RHBDD1: variants seen among roughly 807,000 people sequenced by gnomAD.
The protein encoded by RHBDD1 is rhomboid domain containing 1, also known as rhomboid-related protein 4.
A neutral mutation model predicts 36.3 loss-of-function variants in RHBDD1; 38 were observed. The ratio of observed to expected loss-of-function variants is 1.05; its 90% CI spans 0.81 to 1.37. The LOEUF (loss-of-function observed/expected upper bound fraction) is 1.37. RHBDD1 is among the 40% of genes most tolerant of loss of function. RHBDD1 has a pLI of 0.00. For synonymous variants in RHBDD1, 151 were observed against 136.5 expected (o/e 1.11, Z -0.74); for missense variants, 393 against 377.6 (o/e 1.04, Z -0.34).
the RHBDD1 span, among the ~76,000 whole-genome samples, chr2:226,826,206 T>A: frequency 6.6e-6 from 1 of 152,206 alleles, no homozygotes; most frequent in Non-Finnish European, 1.5e-5. Flanking sequence ...AATAGAATGA[T>A]CTATTTATGT....
chr2:226,947,272 T>C (rs1951049959), intron 8 of RHBDD1, among the ~76,000 whole-genome samples: 1 of 151,624 alleles, frequency 6.6e-6, no homozygotes, highest in Admixed American at 6.6e-5. Flanking sequence ...CTTGAATTGA[T>C]TTTTGTATAA....
chr2:226,907,496 C>T (rs931465842), intron 6 of RHBDD1, among the ~76,000 whole-genome samples: 1 of 151,836 alleles, frequency 6.6e-6, no homozygotes, highest in Admixed American at 6.6e-5. Flanking sequence ...ATGCGATTCT[C>T]ATTTTGACTT....
chr2:226,827,528 C>T, the RHBDD1 span, among the ~76,000 whole-genome samples: 1 of 152,140 alleles, frequency 6.6e-6, no homozygotes, highest in African/African-American at 2.4e-5. Flanking sequence ...TCTCACTTCG[C>T]CTTTTTGTTT....
intron 3 of RHBDD1, among the ~76,000 whole-genome samples, chr2:226,845,261 T>C (rs1209095631): frequency 1.3e-5 from 2 of 152,264 alleles, no homozygotes; most frequent in Admixed American, 1.3e-4. Flanking sequence ...TTAGTTACTA[T>C]GTTATCACAA....
intron 3 of RHBDD1, among the ~76,000 whole-genome samples, chr2:226,862,316 C>T (rs1016939537): frequency 6.6e-6 from 1 of 150,964 alleles, no homozygotes; most frequent in African/African-American, 2.4e-5. Context: ...AAATGATTTG[C>T]CCCAGGTCAC....
chr2:226,867,128 ATGT>A, intron 4 of RHBDD1, 55 bp from the exon 5 acceptor site: 2 of 1,472,978 alleles, frequency 1.4e-6, no homozygotes, highest in Non-Finnish European at 1.8e-6. Context: ...TTCTTTGTAA[ATGT>A]TGATACTCCT....
At chr2:226,951,814 A>G (rs1220509093) in intron 8 of RHBDD1, among the ~76,000 whole-genome samples, 1 of 152,262 alleles carries the variant, frequency 6.6e-6, no homozygotes, top group Non-Finnish European at 1.5e-5. Context: ...TGATTTCTGA[A>G]CAAAAGAGAA....
At chr2:226,913,092 G>A (rs1350832344) in intron 7 of RHBDD1, among the ~76,000 whole-genome samples, 1 of 152,062 alleles carries the variant, frequency 6.6e-6, no homozygotes, top group African/African-American at 2.4e-5. Flanking sequence ...CAAAAATTCT[G>A]AGCATGAAAT....
At chr2:226,822,160 C>T in the RHBDD1 span, among the ~76,000 whole-genome samples, 10 of 152,204 alleles carry the variant, frequency 6.6e-5, no homozygotes, top group African/African-American at 2.4e-4. Flanking sequence ...CTTTATGTAA[C>T]AATTTTTACC....
At chr2:226,971,719 TG>T (rs890361731) in intron 8 of RHBDD1, among the ~76,000 whole-genome samples, 6 of 152,190 alleles carry the variant, frequency 3.9e-5, no homozygotes, top group African/African-American at 1.2e-4. Flanking sequence ...TTGTTTCTTT[TG>T]GTTTGTTTTC....
chr2:226,826,165 G>A, the RHBDD1 span, among the ~76,000 whole-genome samples: 1 of 152,110 alleles, frequency 6.6e-6, no homozygotes, highest in African/African-American at 2.4e-5. Flanking sequence ...TAGAGAATGA[G>A]GTTTCATTGG....
Position 226,963,064 on chromosome 2 carries a change from C to T in RHBDD1, c.857-32367C>T, listed in dbSNP as rs939160787. On this transcript the variant is annotated intron_variant, in intron 8 of 8. Transcript: ENST00000392062. ...GCATCCCTGGCCTCTACCCACTAGA[C>T]GCAAGCGCACCTCTCCCCTAGTTCT... 5.3e-5 allele frequency among the ~76,000 whole-genome samples: 8 copies of T among 152,184 alleles called. No homozygotes were observed. In the East Asian group the frequency reaches 9.7e-4, roughly 18 times the overall value.
At chr2:226,860,513 C>G (rs926895311) in intron 3 of RHBDD1, among the ~76,000 whole-genome samples, 1 of 152,110 alleles carries the variant, frequency 6.6e-6, no homozygotes, top group Admixed American at 6.5e-5. Flanking sequence ...GATCTGTCTT[C>G]CTTGGTGTTC....
chr2:226,824,514 T>TA, the RHBDD1 span, among the ~76,000 whole-genome samples: 1 of 152,198 alleles, frequency 6.6e-6, no homozygotes, highest in African/African-American at 2.4e-5. Flanking sequence ...TGTGTTACAT[T>TA]AAAACAGAAA....
At chr2:226,849,828 G>C (rs1942630496) in intron 3 of RHBDD1, among the ~76,000 whole-genome samples, 2 of 152,072 alleles carry the variant, frequency 1.3e-5, no homozygotes, top group Admixed American at 1.3e-4. Flanking sequence ...GTGAGATTAA[G>C]CTCCAGTCAT....
At chr2:226,817,737 A>G in the RHBDD1 span, among the ~76,000 whole-genome samples, 2 of 152,206 alleles carry the variant, frequency 1.3e-5, no homozygotes, top group South Asian at 4.1e-4. Flanking sequence ...ATTCTCAAAG[A>G]GAGAAACTCC....
chr2:226,995,733 G>C lies in RHBDD1; in HGVS notation c.*211G>C, dbSNP rs986447723. The C allele has an allele frequency of 8.7e-6, 5 of 573,748 alleles. No homozygotes were observed. The highest frequency in any genetic ancestry group is 9.3e-6 in the Non-Finnish European group (3 of 324,092). The allele number at this position is 573,748 out of a possible 1,614,324, so 35.5% of individuals were successfully genotyped here. A position where few individuals can be genotyped will look rare whatever the true frequency, so the allele number is the denominator to read the frequency against. On this transcript the variant is annotated 3_prime_UTR_variant, in exon 9 of 9. Coordinates refer to ENST00000392062, the MANE Select transcript of RHBDD1 (RefSeq NM_001167608.3). Reference sequence around the variant, plus strand: ...TGGGCCTTCTCCTGGCCTTGTTCTTGCTCATAAACAGGTCACTTCCTCCAT... The same window carrying C: ...TGGGCCTTCTCCTGGCCTTGTTCTTCCTCATAAACAGGTCACTTCCTCCAT...
upstream of RHBDD1, among the ~76,000 whole-genome samples, chr2:226,832,086 T>C (rs1940758146): frequency 6.6e-6 from 1 of 152,170 alleles, no homozygotes; most frequent in Non-Finnish European, 1.5e-5. Flanking sequence ...CCTCTTTTTC[T>C]AGTTTTCAAG....
chr2:226,812,835 A>G, the RHBDD1 span, among the ~76,000 whole-genome samples: 37 of 152,358 alleles, frequency 2.4e-4, no homozygotes, highest in African/African-American at 8.4e-4. Flanking sequence ...ATAACTAAAT[A>G]TGATTAAAGT....
Sources: gnomAD v4.1 joint callset for allele counts (sites outside exome capture counted in the v4.1 genomes callset) on GRCh38, gnomAD v4.1.1 for gene constraint, MANE v1.5 for transcripts, NCBI Gene and HGNC (gene_info 2026-07-23, HGNC 2026-07-21) for gene names.